WNT3A: variants seen among roughly 807,000 people sequenced by gnomAD.
WNT3A encodes protein Wnt-3a.
Under a neutral mutation model 37.0 loss-of-function variants are expected in WNT3A, and 17 were observed. The observed-to-expected ratio is 0.46, with a 90% CI of 0.31 to 0.69. The LOEUF is 0.69. Ranked by LOEUF, WNT3A falls within the 30% of genes least tolerant of loss-of-function variation. The pLI, the probability that WNT3A is intolerant of heterozygous loss-of-function variation, is 0.05. For missense variants in WNT3A, 411 were observed against 510.2 expected, an observed-to-expected ratio of 0.81 and a Z score of 1.87; for synonymous variants, 187 against 211.0, an observed-to-expected ratio of 0.89 and a Z score of 0.99.
At chr1:228,058,418 C>T (rs754264772) in intron 3 of WNT3A, among the ~76,000 whole-genome samples, 2 of 152,234 alleles carry the variant, frequency 1.3e-5, no homozygotes, top group Non-Finnish European at 2.9e-5. Context: ...TCTACACTGC[C>T]CATAGGGGAA....
In WNT3A at chr1:228,011,364, G is replaced by A. The variant is rs2030363994; in HGVS notation, c.71+4165G>A. 3.9e-5 allele frequency among the ~76,000 whole-genome samples: 6 copies of A among 152,134 alleles called. No individual in the cohort carries two copies. In the South Asian group the frequency reaches 1.0e-3, roughly 26 times the overall value. On this transcript the variant is annotated intron_variant, in intron 1 of 3. Transcript: ENST00000284523. ...CCAGAGTCACCCTGCCTCCACATTAGCCTGCCACTGGCCCACTCCCTCTGC... is the reference window on the plus strand; with the variant it reads ...CCAGAGTCACCCTGCCTCCACATTAACCTGCCACTGGCCCACTCCCTCTGC...
intron 1 of WNT3A, among the ~76,000 whole-genome samples, chr1:228,009,256 T>C (rs2030301941): frequency 6.6e-6 from 1 of 152,136 alleles, no homozygotes; most frequent in Non-Finnish European, 1.5e-5. Flanking sequence ...CCAGGCAGGC[T>C]GCTCGGGCTG....
rs188766396 is a variant in WNT3A at position 228,042,193 on chromosome 1, G to A, written c.314-8463G>A. ...GGGGTTTCACCATGTTGGCCAGGAT[G>A]GTCTCAATCTCTTGACCTCGTCATC... On this transcript the variant is annotated intron_variant, in intron 2 of 3. Coordinates refer to ENST00000284523, the MANE Select transcript of WNT3A (RefSeq NM_033131.4). The surrounding 1 kb of genome is among the most constrained non-coding windows in gnomAD (Gnocchi z 5.2). Among the ~76,000 whole-genome samples, 1 of 152,230 alleles carries A rather than the reference G, an allele frequency of 6.6e-6. No homozygotes were observed. The highest frequency in any genetic ancestry group is 2.4e-5 in the African/African-American group (1 of 41,524).
rs949728433 is a variant in WNT3A, at chr1:228,042,821, G to A, written c.314-7835G>A. Among the ~76,000 whole-genome samples, 1 of 151,724 alleles carries A rather than the reference G, an allele frequency of 6.6e-6. No individual in the cohort carries two copies. Among genetic ancestry groups the A allele is most frequent in the African/African-American group, 2.4e-5 (1 of 41,276 alleles). On this transcript the variant is annotated intron_variant, in intron 2 of 3. Transcript: ENST00000284523. The surrounding 1 kb of genome is among the most constrained non-coding windows in gnomAD (Gnocchi z 5.2). Reference sequence around the variant, plus strand: ...TGTGGATGATGGATGGATGGATAATGGATGATGGATGGATGTGGATGACAG... The same window carrying A: ...TGTGGATGATGGATGGATGGATAATAGATGATGGATGGATGTGGATGACAG...
At chr1:228,053,662 T>C (rs1262677589) in intron 3 of WNT3A, among the ~76,000 whole-genome samples, 3 of 151,656 alleles carry the variant, frequency 2.0e-5, no homozygotes, top group African/African-American at 7.3e-5. Flanking sequence ...AATGGGAAAA[T>C]TGGCCAAAAA....
intron 1 of WNT3A, among the ~76,000 whole-genome samples, chr1:228,020,227 CA>C (rs1158944871): frequency 4.6e-5 from 7 of 152,158 alleles, no homozygotes; most frequent in Admixed American, 4.6e-4. Flanking sequence ...CGTCTCAAAA[CA>C]AACAAAAAAG....
At chr1:228,032,848 G>C (rs2031045050) in intron 2 of WNT3A, among the ~76,000 whole-genome samples, 2 of 152,134 alleles carry the variant, frequency 1.3e-5, no homozygotes, top group Non-Finnish European at 2.9e-5. Flanking sequence ...TTTTCTGCTT[G>C]TTGTTTTTGT....
rs1256190663 is a variant in WNT3A, at chr1:228,055,176, AAAAATATATATATATATAT to A, written c.580-3808_580-3790del. 3.0e-3 allele frequency among the ~76,000 whole-genome samples: 180 copies of A among 59,084 alleles called. 6 individuals are homozygous for A. The highest frequency in any genetic ancestry group is 0.015 in the South Asian group (20 of 1,376). The allele number at this position is 59,084 out of a possible 152,430, so 38.8% of individuals were successfully genotyped here. A position where few individuals can be genotyped will look rare whatever the true frequency, so the allele number is the denominator to read the frequency against. On this transcript the variant is annotated intron_variant, in intron 3 of 3. Transcript: ENST00000284523. ...TCCGTCCCAAAAAAAAAAAAAAAAAAAAAATATATATATATATATATATATATATATATATATATATATA... is the reference window on the plus strand; with the variant it reads ...TCCGTCCCAAAAAAAAAAAAAAAAAAATATATATATATATATATATATATA...
intron 1 of WNT3A, among the ~76,000 whole-genome samples, chr1:228,015,306 A>C (rs1478383890): frequency 6.6e-6 from 1 of 152,116 alleles, no homozygotes. Context: ...GAGAGGCTGG[A>C]GATATTGGAA....
intron 1 of WNT3A, among the ~76,000 whole-genome samples, chr1:228,017,083 A>C (rs751536525): frequency 6.6e-6 from 1 of 152,136 alleles, no homozygotes; most frequent in Non-Finnish European, 1.5e-5. Flanking sequence ...CTGGAGGCCA[A>C]CATGCGGGAA....
intron 1 of WNT3A, among the ~76,000 whole-genome samples, chr1:228,021,099 G>A (rs903333119): frequency 6.6e-6 from 1 of 152,174 alleles, no homozygotes; most frequent in African/African-American, 2.4e-5. Context: ...CTGACGTGAA[G>A]CACTCACATA....
Position 228,060,128 on chromosome 1 carries a change from G to T in WNT3A, c.*663G>T. The stretch of plus-strand genomic sequence containing the variant: ...GGCTTCTCTGGGACCAGGCTCCAAT[G>T]GGGCGGGGCTTCTCTCCGCGGGTGG... On this transcript the variant is annotated 3_prime_UTR_variant, in exon 4 of 4. Coordinates refer to ENST00000284523, the MANE Select transcript of WNT3A (RefSeq NM_033131.4). 7.5e-7 allele frequency: 1 copy of T among 1,330,384 alleles called. No individual in the cohort carries two copies. The allele number at this position is 1,330,384 out of a possible 1,614,324, so 82.4% of individuals were successfully genotyped here. A position where few individuals can be genotyped will look rare whatever the true frequency, so the allele number is the denominator to read the frequency against.
intron 2 of WNT3A, among the ~76,000 whole-genome samples, chr1:228,047,893 AC>A (rs1045902631): frequency 2.0e-5 from 3 of 151,774 alleles, no homozygotes; most frequent in Non-Finnish European, 2.9e-5. Flanking sequence ...CATGGGACCC[AC>A]CCCCCATGAC....
At chr1:228,051,577 C>T (rs903571103) in intron 3 of WNT3A, among the ~76,000 whole-genome samples, 1 of 152,100 alleles carries the variant, frequency 6.6e-6, no homozygotes, top group African/African-American at 2.4e-5. Context: ...CTAGCAGATA[C>T]CTTGTCCGGT....
intron 2 of WNT3A, among the ~76,000 whole-genome samples, chr1:228,025,444 G>C (rs2030829508): frequency 6.6e-6 from 1 of 151,962 alleles, no homozygotes; most frequent in Non-Finnish European, 1.5e-5. Context: ...GACCTTCCAG[G>C]TTCAAGCGAT....
chr1:228,053,116 G>A (rs549089102), intron 3 of WNT3A, among the ~76,000 whole-genome samples: 33 of 152,230 alleles, frequency 2.2e-4, no homozygotes, highest in African/African-American at 7.9e-4. Context: ...GGAGGACATG[G>A]CATTCATTCA....
chr1:228,059,004 C>G lies in WNT3A; in HGVS notation c.598C>G (p.His200Asp), dbSNP rs757925292. The change falls in exon 4 of 4, where the codon CAC (histidine) becomes GAC (aspartate). Residue 200 changes from histidine (H) to aspartate (D), a missense_variant. His to Asp is a moderately conservative substitution (Grantham distance 81). Coordinates refer to ENST00000284523, the MANE Select transcript of WNT3A (RefSeq NM_033131.4). The stretch of plus-strand genomic sequence containing the variant: ...CCCGCAGGCCATCGCCAGCCACATG[C>G]ACCTCAAGTGCAAGTGCCACGGGCT... ...AGRQAIASHM[H>D]LKCKCHGLSG... is the part of the protein sequence containing the mutation. 6.2e-7 allele frequency: 1 copy of G among 1,611,894 alleles called. No homozygotes were observed. The highest frequency in any genetic ancestry group is 8.5e-7 in the Non-Finnish European group (1 of 1,179,176).
intron 3 of WNT3A, among the ~76,000 whole-genome samples, chr1:228,058,113 T>C (rs1233851349): frequency 6.6e-6 from 1 of 152,246 alleles, no homozygotes; most frequent in Non-Finnish European, 1.5e-5. Context: ...AAACAAATTT[T>C]AATACCAAAT....
chr1:228,054,718 G>GAA (rs549278555), intron 3 of WNT3A, among the ~76,000 whole-genome samples: 14 of 79,588 alleles, frequency 1.8e-4, no homozygotes, highest in Non-Finnish European at 3.2e-4. Context: ...AGTTAAACCA[G>GAA]AAAAAAAAAA....
Sources: allele counts gnomAD v4.1 joint callset (sites outside exome capture counted in the v4.1 genomes callset), GRCh38; gene constraint gnomAD v4.1.1; non-coding constraint Gnocchi (gnomAD v3.1); transcripts MANE v1.5; gene names NCBI Gene and HGNC (gene_info 2026-07-23, HGNC 2026-07-21).